The following QTMAN variants were observed in gnomAD, a reference collection of about 807,000 sequenced individuals.
QTMAN encodes tRNA-queuosine alpha-mannosyltransferase.
chr2:144,096,656 T>C, the QTMAN span, among the ~76,000 whole-genome samples: 1 of 152,242 alleles, frequency 6.6e-6, no homozygotes, highest in African/African-American at 2.4e-5. Flanking sequence ...GAAGCATATC[T>C]ATCTGATTAG....
chr2:144,082,883 TACACACGCACAC>T, the QTMAN span, among the ~76,000 whole-genome samples: 1 of 151,722 alleles, frequency 6.6e-6, no homozygotes, highest in Non-Finnish European at 1.5e-5. Context: ...GGAATTAAAA[TACACACGCACAC>T]ACACACACAC....
the QTMAN span, among the ~76,000 whole-genome samples, chr2:144,144,547 C>T: frequency 2.0e-5 from 3 of 151,832 alleles, no homozygotes; most frequent in African/African-American, 4.8e-5. Flanking sequence ...TTCTCTGTTT[C>T]AATATAAAGT....
At chr2:144,267,181 A>G in the QTMAN span, among the ~76,000 whole-genome samples, 80 of 152,366 alleles carry the variant, frequency 5.3e-4, no homozygotes, top group Non-Finnish European at 1.1e-3. Flanking sequence ...ATCACCGGCA[A>G]TACCCATCAG....
the QTMAN span, among the ~76,000 whole-genome samples, chr2:144,109,892 C>T: frequency 5.3e-5 from 8 of 152,182 alleles, no homozygotes; most frequent in South Asian, 2.1e-4. Context: ...CAGGAAACAA[C>T]TGGTGCTGGA....
the QTMAN span, among the ~76,000 whole-genome samples, chr2:144,240,740 G>C: frequency 5.3e-5 from 8 of 152,164 alleles, no homozygotes; most frequent in Non-Finnish European, 1.0e-4. Context: ...ACACAAACAA[G>C]TAGAACAGGT....
chr2:144,064,057 G>T, the QTMAN span, among the ~76,000 whole-genome samples: 6 of 151,730 alleles, frequency 4.0e-5, no homozygotes, highest in Non-Finnish European at 7.4e-5. Flanking sequence ...TTCAGTCTTC[G>T]AGCATAAATA....
the QTMAN span, among the ~76,000 whole-genome samples, chr2:144,116,766 C>T: frequency 2.0e-5 from 3 of 152,196 alleles, no homozygotes; most frequent in East Asian, 3.9e-4. Flanking sequence ...AATTACAATC[C>T]CATGAGGCTA....
At chr2:143,955,641 T>C in the QTMAN span, among the ~76,000 whole-genome samples, 2 of 152,186 alleles carry the variant, frequency 1.3e-5, no homozygotes, top group Non-Finnish European at 2.9e-5. Context: ...CCTATTTCAA[T>C]CACACTCAAC....
At chr2:143,988,768 G>T in the QTMAN span, among the ~76,000 whole-genome samples, 1 of 152,172 alleles carries the variant, frequency 6.6e-6, no homozygotes, top group African/African-American at 2.4e-5. Context: ...GGCATATATG[G>T]GCACTGGGGA....
the QTMAN span, among the ~76,000 whole-genome samples, chr2:144,193,622 G>C: frequency 6.6e-6 from 1 of 151,838 alleles, no homozygotes; most frequent in African/African-American, 2.4e-5. Context: ...CTGGGCTCAA[G>C]TGATCGTCCC....
At chr2:144,052,290 T>G in the QTMAN span, among the ~76,000 whole-genome samples, 1 of 152,174 alleles carries the variant, frequency 6.6e-6, no homozygotes, top group Non-Finnish European at 1.5e-5. Flanking sequence ...GAATTTAGTC[T>G]GGTTGTGCTA....
the QTMAN span, among the ~76,000 whole-genome samples, chr2:144,062,222 C>T: frequency 6.6e-6 from 1 of 152,222 alleles, no homozygotes; most frequent in African/African-American, 2.4e-5. Context: ...CAAAAGCACT[C>T]ACCCCGCCTC....
At chr2:144,197,683 C>T in the QTMAN span, among the ~76,000 whole-genome samples, 2 of 152,094 alleles carry the variant, frequency 1.3e-5, no homozygotes, top group South Asian at 2.1e-4. Context: ...AAGCAAATAA[C>T]ACAACTTTCA....
At chr2:144,087,348 A>G in the QTMAN span, among the ~76,000 whole-genome samples, 1 of 152,154 alleles carries the variant, frequency 6.6e-6, no homozygotes, top group African/African-American at 2.4e-5. Context: ...CATTAGGCCT[A>G]GATAGTTTAA....
the QTMAN span, among the ~76,000 whole-genome samples, chr2:144,004,107 T>G: frequency 6.6e-6 from 1 of 151,820 alleles, no homozygotes; most frequent in Non-Finnish European, 1.5e-5. Flanking sequence ...ATGGCCAAGG[T>G]GAAAATGCAA....
the QTMAN span, among the ~76,000 whole-genome samples, chr2:144,240,193 G>A: frequency 6.6e-6 from 1 of 152,262 alleles, no homozygotes; most frequent in South Asian, 2.1e-4. Context: ...GACTCAGCAG[G>A]ACAGAGAAGA....
the QTMAN span, among the ~76,000 whole-genome samples, chr2:144,187,810 G>A: frequency 1.3e-5 from 2 of 152,148 alleles, no homozygotes; most frequent in Non-Finnish European, 2.9e-5. Context: ...CTAACCCATA[G>A]TACCTGTGAA....
At chr2:144,239,081 T>C in the QTMAN span, among the ~76,000 whole-genome samples, 3 of 151,034 alleles carry the variant, frequency 2.0e-5, no homozygotes, top group African/African-American at 7.3e-5. Flanking sequence ...CCATTTCAAA[T>C]GCTAAGGCTA....
chr2:144,114,911 T>C, the QTMAN span, among the ~76,000 whole-genome samples: 1 of 152,110 alleles, frequency 6.6e-6, no homozygotes, highest in African/African-American at 2.4e-5. Flanking sequence ...AATCAATCAT[T>C]GGAATTCACA....
Sources: gnomAD v4.1 joint callset for allele counts (sites outside exome capture counted in the v4.1 genomes callset) on GRCh38, gnomAD v4.1.1 for gene constraint, MANE v1.5 for transcripts, NCBI Gene and HGNC (gene_info 2026-07-23, HGNC 2026-07-21) for gene names.